Variants in ZNF565 observed in about 807,000 individuals in gnomAD.
ZNF565 encodes zinc finger protein 565.
A neutral mutation model predicts 39.4 loss-of-function variants in ZNF565; 27 were observed. The ratio of observed to expected loss-of-function variants is 0.69; its 90% confidence interval spans 0.51 to 0.95. The LOEUF is 0.95. Among genes scored for constraint, ZNF565 ranks in the 40% least tolerant of loss-of-function variants. The pLI, the probability that ZNF565 is intolerant of heterozygous loss-of-function variation, is 0.00. For missense variants in ZNF565, 524 were observed against 621.1 expected (o/e 0.84, Z 1.66); for synonymous variants, 185 against 216.6 (o/e 0.85, Z 1.28).
At chr19:36,223,254 T>A (rs1423857032) in intron 1 of ZNF565, among the ~76,000 whole-genome samples, 1 of 149,478 alleles carries the variant, frequency 6.7e-6, no homozygotes, top group Non-Finnish European at 1.5e-5. Context: ...CCGTCTCTAC[T>A]AAAAATACAA....
intron 1 of ZNF565, among the ~76,000 whole-genome samples, chr19:36,240,245 A>G (rs1977775419): frequency 6.6e-6 from 1 of 152,232 alleles, no homozygotes; most frequent in Non-Finnish European, 1.5e-5. Context: ...ACATTGTATT[A>G]GGTATTATGA....
chr19:36,241,800 A>G (rs867338940), intron 1 of ZNF565, among the ~76,000 whole-genome samples: 44 of 150,250 alleles, frequency 2.9e-4, no homozygotes, highest in South Asian at 1.3e-3. Context: ...AAAAAAAAAA[A>G]AAAGCTGGGA....
intron 4 of ZNF565, among the ~76,000 whole-genome samples, chr19:36,193,035 G>A (rs569969297): frequency 2.6e-4 from 40 of 151,894 alleles, no homozygotes; most frequent in South Asian, 1.0e-3. Context: ...TCGCTCTGTC[G>A]CCCAGGCTGG....
chr19:36,245,304 T>A lies in ZNF565; in HGVS notation c.55+172A>T, dbSNP rs2029888164. Among the ~76,000 whole-genome samples the A allele has an allele frequency of 6.6e-6, 1 of 152,188 alleles. No individual in the cohort carries two copies. Among genetic ancestry groups the A allele is most frequent in the South Asian group, 2.1e-4 (1 of 4,826 alleles). On this transcript the variant is annotated intron_variant, in intron 1 of 4. Coordinates refer to the ZNF565 transcript ENST00000355114. This position sits in a 1 kb window ranked among gnomAD's most constrained non-coding sequence, Gnocchi z 4.4. ...CCAACTCGCGCCTAGAGGGCGTGTA[T>A]GACCCCAGCTCAGTTCTAAGCCGAG...
intron 1 of ZNF565, among the ~76,000 whole-genome samples, chr19:36,232,737 T>C (rs570720986): frequency 1.2e-3 from 176 of 151,942 alleles, no homozygotes; most frequent in South Asian, 8.3e-4. Context: ...GCCTCTTGAG[T>C]AGCTGGGATT....
At chr19:36,191,455 G>A (rs1029901739) in intron 4 of ZNF565, among the ~76,000 whole-genome samples, 3 of 151,328 alleles carry the variant, frequency 2.0e-5, no homozygotes, top group African/African-American at 7.3e-5. Context: ...TTTGAGAACT[G>A]GCTGATTTCA....
At chr19:36,205,856 G>A (rs1360075113) in intron 1 of ZNF565, among the ~76,000 whole-genome samples, 4 of 152,102 alleles carry the variant, frequency 2.6e-5, no homozygotes, top group African/African-American at 9.7e-5. Context: ...AAGGAAGTCA[G>A]AATTCTTTCA....
At chr19:36,221,927 CTTTTTTTTTTT>C (rs60347994) in intron 1 of ZNF565, among the ~76,000 whole-genome samples, 24 of 109,890 alleles carry the variant, frequency 2.2e-4, no homozygotes, top group Admixed American at 1.7e-3. Context: ...TTTTTTCTTT[CTTTTTTTTTTT>C]TTTTTTTTTT....
chr19:36,211,738 A>G (rs1976367732), intron 1 of ZNF565, among the ~76,000 whole-genome samples: 1 of 151,880 alleles, frequency 6.6e-6, no homozygotes. Context: ...GCTTGCAGTG[A>G]GCCGAGCTCG....
intron 1 of ZNF565, chr19:36,237,913 CAG>C (rs1313808224): frequency 1.2e-5 from 2 of 166,792 alleles, no homozygotes; most frequent in Admixed American, 6.6e-5. Flanking sequence ...AGATTAAAAA[CAG>C]AAATATGGAA....
chr19:36,230,658 G>A (rs1977300165), intron 1 of ZNF565, among the ~76,000 whole-genome samples: 1 of 152,306 alleles, frequency 6.6e-6, no homozygotes, highest in Non-Finnish European at 1.5e-5. Flanking sequence ...CCTGTTCAGA[G>A]AATAGTGATC....
At position 36,245,192 on chromosome 19, in the gene ZNF565, C is replaced by T. The variant is rs1451682567; in HGVS notation, c.55+284G>A. Reference sequence around the variant, plus strand: ...AGAGTCGGGGTCTGTTGCTACGGGTCCCCTGGGCTCCTTTGAATCGCTTTG... The same window carrying T: ...AGAGTCGGGGTCTGTTGCTACGGGTTCCCTGGGCTCCTTTGAATCGCTTTG... On this transcript the variant is annotated intron_variant, in intron 1 of 4. Transcript: ENST00000355114. This position sits in a 1 kb window ranked among gnomAD's most constrained non-coding sequence, Gnocchi z 4.4. Among the ~76,000 whole-genome samples, 2 of 152,168 alleles carry T rather than the reference C, an allele frequency of 1.3e-5. No homozygotes were observed. Among genetic ancestry groups the T allele is most frequent in the Admixed American group, 6.5e-5 (1 of 15,268 alleles).
intron 1 of ZNF565, among the ~76,000 whole-genome samples, chr19:36,231,160 C>G (rs1365427923): frequency 6.6e-6 from 1 of 152,044 alleles, no homozygotes; most frequent in African/African-American, 2.4e-5. Flanking sequence ...GCCAGGAGTT[C>G]GAGACCAGCC....
chr19:36,191,588 T>C (rs1975545286), intron 4 of ZNF565, among the ~76,000 whole-genome samples: 1 of 152,082 alleles, frequency 6.6e-6, no homozygotes, highest in Admixed American at 6.6e-5. Flanking sequence ...TAACGAGTTT[T>C]CAAGGGCCAA....
intron 1 of ZNF565, among the ~76,000 whole-genome samples, chr19:36,241,137 C>T (rs1447636654): frequency 6.6e-6 from 1 of 152,160 alleles, no homozygotes; most frequent in Admixed American, 6.5e-5. Context: ...ACACTGTGGG[C>T]AACTGATTTT....
Position 36,245,188 on chromosome 19 carries a change from G to A in ZNF565, c.55+288C>T, listed in dbSNP as rs2029887173. On this transcript the variant is annotated intron_variant, in intron 1 of 4. Coordinates refer to the ZNF565 transcript ENST00000355114. The surrounding 1 kb of genome is among the most constrained non-coding windows in gnomAD (Gnocchi z 4.4). ...GCGCAGAGTCGGGGTCTGTTGCTAC[G>A]GGTCCCCTGGGCTCCTTTGAATCGC... 6.6e-6 allele frequency among the ~76,000 whole-genome samples: 1 copy of A among 152,162 alleles called. No homozygotes were observed. The highest frequency in any genetic ancestry group is 1.5e-5 in the Non-Finnish European group (1 of 68,024).
chr19:36,185,413 CAA>C (rs964502449), intron 4 of ZNF565, among the ~76,000 whole-genome samples: 49 of 57,132 alleles, frequency 8.6e-4, no homozygotes, highest in Admixed American at 1.5e-3. Context: ...AACTCTGTCT[CAA>C]AAAAAAAAAA....
chr19:36,234,345 C>CA (rs1305908156), intron 1 of ZNF565, among the ~76,000 whole-genome samples: 4 of 140,656 alleles, frequency 2.8e-5, no homozygotes, highest in Non-Finnish European at 6.1e-5. Flanking sequence ...GCCTGGGCGA[C>CA]AGAGCAAGAC....
At chr19:36,231,699 C>T (rs982335085) in intron 1 of ZNF565, among the ~76,000 whole-genome samples, 1 of 152,020 alleles carries the variant, frequency 6.6e-6, no homozygotes, top group Non-Finnish European at 1.5e-5. Context: ...TACCTCAGAC[C>T]AGTTTCATGT....
Sources: gnomAD v4.1 joint callset for allele counts (sites outside exome capture counted in the v4.1 genomes callset) on GRCh38, gnomAD v4.1.1 for gene constraint, Gnocchi (gnomAD v3.1) non-coding constraint, MANE v1.5 for transcripts, NCBI Gene and HGNC (gene_info 2026-07-23, HGNC 2026-07-21) for gene names.